STXBP6: variants seen among roughly 807,000 people sequenced by gnomAD.
STXBP6 encodes syntaxin-binding protein 6.
STXBP6 carries 21 observed loss-of-function variants against 26.9 expected under a neutral mutation model. The observed-to-expected ratio is 0.78, with a 90% CI of 0.55 to 1.12. STXBP6 has a LOEUF of 1.12. Ranked by LOEUF, STXBP6 falls within the 50% of genes most tolerant of loss-of-function variation. The pLI, the probability that STXBP6 is intolerant of heterozygous loss-of-function variation, is 0.00. For synonymous variants in STXBP6, 97 were observed against 92.6 expected (o/e 1.05, Z -0.27); for missense variants, 232 against 257.9 (o/e 0.90, Z 0.69).
At chr14:24,925,529 A>G (rs936959612) in intron 2 of STXBP6, among the ~76,000 whole-genome samples, 1 of 152,192 alleles carries the variant, frequency 6.6e-6, no homozygotes, top group Non-Finnish European at 1.5e-5. Context: ...GAGGGAGGGA[A>G]GCCTCTGTCC....
intron 2 of STXBP6, among the ~76,000 whole-genome samples, chr14:24,929,734 G>A (rs574236958): frequency 3.7e-4 from 56 of 152,282 alleles, no homozygotes; most frequent in Admixed American, 1.8e-3. Flanking sequence ...AATGTTCTAC[G>A]AAAGATGGTC....
chr14:24,971,229 G>GA (rs1327039103), intron 2 of STXBP6, among the ~76,000 whole-genome samples: 4 of 151,988 alleles, frequency 2.6e-5, no homozygotes, highest in South Asian at 2.1e-4. Flanking sequence ...TAGATATTGG[G>GA]AAAAAAATCA....
chr14:25,015,646 A>G (rs1274504801), intron 1 of STXBP6, among the ~76,000 whole-genome samples: 1 of 152,218 alleles, frequency 6.6e-6, no homozygotes, highest in Admixed American at 6.5e-5. Context: ...ATGTGCACCA[A>G]TGACTATTAA....
At chr14:24,995,526 AT>A (rs1262953377) in intron 1 of STXBP6, among the ~76,000 whole-genome samples, 6 of 152,042 alleles carry the variant, frequency 3.9e-5, no homozygotes, top group African/African-American at 1.4e-4. Flanking sequence ...AGAAGGTGGG[AT>A]TTTTTGCAGT....
chr14:24,826,743 G>A (rs6574019), intron 4 of STXBP6, among the ~76,000 whole-genome samples: 60,112 of 151,964 alleles, frequency 0.4, 13,037 homozygotes, highest in African/African-American at 0.59. Context: ...CCCGACCCCT[G>A]TCACTTTGAT....
chr14:24,863,412 G>T (rs375758067), intron 2 of STXBP6, among the ~76,000 whole-genome samples: 1 of 152,122 alleles, frequency 6.6e-6, no homozygotes, highest in African/African-American at 2.4e-5. Context: ...AACAGTTCCT[G>T]TGCTCACAAG....
intron 2 of STXBP6, among the ~76,000 whole-genome samples, chr14:24,969,560 T>C (rs1178683579): frequency 6.6e-6 from 1 of 152,154 alleles, no homozygotes; most frequent in Non-Finnish European, 1.5e-5. Context: ...AGTTCTAAGT[T>C]AGAAATAAAG....
chr14:24,983,028 T>TCCAAGGAC (rs1186093105), intron 1 of STXBP6, among the ~76,000 whole-genome samples: 1 of 152,152 alleles, frequency 6.6e-6, no homozygotes, highest in Admixed American at 6.5e-5. Flanking sequence ...AAGTTTAAAT[T>TCCAAGGAC]CCAAGGACCA....
At chr14:24,865,096 A>T (rs2069672200) in intron 2 of STXBP6, among the ~76,000 whole-genome samples, 1 of 152,138 alleles carries the variant, frequency 6.6e-6, no homozygotes, top group South Asian at 2.1e-4. Flanking sequence ...ACTCTAGGCA[A>T]GATCTACTAA....
At chr14:24,855,872 A>T in intron 4 of STXBP6, 64 bp downstream of exon 4, 1 of 1,482,700 alleles carries the variant, frequency 6.7e-7, no homozygotes, top group Non-Finnish European at 9.1e-7. Context: ...TGAACTCCTA[A>T]CTTCTTAAGT....
At chr14:24,888,451 C>T (rs1010691188) in intron 2 of STXBP6, among the ~76,000 whole-genome samples, 3 of 152,064 alleles carry the variant, frequency 2.0e-5, no homozygotes, top group South Asian at 4.2e-4. Context: ...GGGCTGGGTG[C>T]GGTGGCTCAC....
chr14:25,046,705 C>T (rs916954643), intron 1 of STXBP6, among the ~76,000 whole-genome samples: 2 of 152,128 alleles, frequency 1.3e-5, no homozygotes, highest in Non-Finnish European at 2.9e-5. Context: ...GCAAAGCAGT[C>T]AAAATTCAAG....
At chr14:24,901,742 G>T (rs1408796097) in intron 2 of STXBP6, among the ~76,000 whole-genome samples, 1 of 152,064 alleles carries the variant, frequency 6.6e-6, no homozygotes, top group Non-Finnish European at 1.5e-5. Flanking sequence ...CTGAATGAAA[G>T]AAATCAAAAC....
intron 1 of STXBP6, among the ~76,000 whole-genome samples, chr14:25,036,067 A>C (rs1026491708): frequency 1.4e-4 from 21 of 151,938 alleles, no homozygotes; most frequent in African/African-American, 4.6e-4. Context: ...AAAATACAAA[A>C]AGTAGCCAGA....
At chr14:25,023,274 T>C (rs1002860792) in intron 1 of STXBP6, among the ~76,000 whole-genome samples, 1 of 152,134 alleles carries the variant, frequency 6.6e-6, no homozygotes, top group African/African-American at 2.4e-5. Context: ...AGAAAGTTTT[T>C]TGGAATAGGA....
intron 1 of STXBP6, among the ~76,000 whole-genome samples, chr14:24,996,796 G>A (rs762525923): frequency 4.7e-5 from 7 of 148,070 alleles, no homozygotes; most frequent in Admixed American, 1.4e-4. Context: ...CAGAGGCTGC[G>A]GTGAGCCAAG....
In STXBP6 at chr14:24,895,040, G is replaced by T. The variant is rs2070938358; in HGVS notation, c.155-37883C>A. On this transcript the variant is annotated intron_variant, in intron 2 of 5. Transcript: ENST00000323944. The stretch of plus-strand genomic sequence containing the variant: ...TCTAAAATGAGATTTTTTTCTAAGC[G>T]AATAAGCCCAAGTCAATATCTCTAT... Among the ~76,000 whole-genome samples, 3 of 151,960 alleles carry T rather than the reference G, an allele frequency of 2.0e-5. No homozygotes were observed. The South Asian group carries it at 6.2e-4, about 32-fold the overall frequency.
At chr14:24,993,581 T>C (rs2074527503) in intron 1 of STXBP6, among the ~76,000 whole-genome samples, 1 of 152,186 alleles carries the variant, frequency 6.6e-6, no homozygotes, top group South Asian at 2.1e-4. Flanking sequence ...TTTTCTGAAA[T>C]GCCTGGGGTA....
chr14:24,962,904 G>T (rs766803176), intron 2 of STXBP6, among the ~76,000 whole-genome samples: 2 of 148,216 alleles, frequency 1.3e-5, no homozygotes, highest in Non-Finnish European at 3.0e-5. Flanking sequence ...AAAAAATCCA[G>T]CAATAGATGA....
Sources: allele counts gnomAD v4.1 joint callset (sites outside exome capture counted in the v4.1 genomes callset), GRCh38; gene constraint gnomAD v4.1.1; transcripts MANE v1.5; gene names NCBI Gene and HGNC (gene_info 2026-07-23, HGNC 2026-07-21).